NT5DC4: variants seen among roughly 807,000 people sequenced by gnomAD.
NT5DC4 encodes 5'-nucleotidase domain containing 4, also known as 5'-nucleotidase domain-containing protein 4.
Under a neutral mutation model 26.6 loss-of-function variants are expected in NT5DC4, and 44 were observed. The observed-to-expected ratio is 1.65, with a 90% confidence interval of 1.30 to 2.13. The LOEUF (loss-of-function observed/expected upper bound fraction) is 2.13. Ranked by LOEUF, NT5DC4 falls within the 30% of genes most tolerant of loss-of-function variation. NT5DC4 has a pLI of 0.00. For synonymous variants in NT5DC4, 157 were observed against 86.7 expected (o/e 1.81, Z -4.51); for missense variants, 399 against 228.1 (o/e 1.75, Z -4.83).
At chr2:112,732,869 C>T (rs906630535) in intron 16 of NT5DC4, among the ~76,000 whole-genome samples, 10 of 152,142 alleles carry the variant, frequency 6.6e-5, no homozygotes, top group African/African-American at 2.4e-5. Context: ...TTTAGTCCCT[C>T]GCTCATAGGC....
Position 112,723,257 on chromosome 2 carries a change from T to C in NT5DC4, c.621+83T>C, listed in dbSNP as rs1677181258. On this transcript the variant is annotated intron_variant, in intron 7 of 16. Coordinates refer to ENST00000688554, the MANE Select transcript of NT5DC4 (RefSeq NM_001393655.1). The stretch of plus-strand genomic sequence containing the variant: ...GCAGCCTTCAGGCCTCCAGTCCCCA[T>C]AGCGTTTCCATCCTCTTCCTACTGA... 15 of 714,690 alleles carry C rather than the reference T, an allele frequency of 2.1e-5. No individual in the cohort carries two copies. In the East Asian group the frequency reaches 3.5e-4, roughly 17 times the overall value. 44.3% of individuals were successfully genotyped at this position (714,690 alleles called of 1,614,324 possible).
At chr2:112,739,193 T>G, downstream of NT5DC4, 5 of 660,460 alleles carry the variant, frequency 7.6e-6, no homozygotes, top group Non-Finnish European at 1.3e-5. Context: ...AGCTTTCATC[T>G]TCAGATGGCT....
chr2:112,724,214 C>T (rs1677369214), intron 10 of NT5DC4, 88 bp downstream of exon 10: 3 of 711,170 alleles, frequency 4.2e-6, no homozygotes, highest in Non-Finnish European at 7.8e-6. Context: ...GAGGGCCTCT[C>T]CCACGTCCAG....
chr2:112,739,672 A>C (rs1381711594), downstream of NT5DC4, among the ~76,000 whole-genome samples: 1 of 152,184 alleles, frequency 6.6e-6, no homozygotes, highest in Non-Finnish European at 1.5e-5. Flanking sequence ...TTTTCTTTTT[A>C]AAGACAGGGT....
chr2:112,726,055 G>C (rs557793190), intron 13 of NT5DC4, among the ~76,000 whole-genome samples, 183 bp from the exon 14 acceptor site: 1 of 152,252 alleles, frequency 6.6e-6, no homozygotes, highest in Non-Finnish European at 1.5e-5. Context: ...TGGGGCCTAC[G>C]GGGCCTATGC....
chr2:112,731,319 G>T (rs1165727023), intron 16 of NT5DC4: 1 of 152,024 alleles, frequency 6.6e-6, no homozygotes, highest in Non-Finnish European at 1.5e-5. Context: ...ATCCTCAATG[G>T]TCTTTGAGAC....
At chr2:112,720,517 T>A (rs56085389), upstream of NT5DC4, among the ~76,000 whole-genome samples, 5,795 of 152,184 alleles carry the variant, frequency 0.038, 362 homozygotes, top group African/African-American at 0.13. Context: ...ATGGCCCCAG[T>A]GGTTCTGCTT....
At chr2:112,739,816 G>T (rs527579579), downstream of NT5DC4, among the ~76,000 whole-genome samples, 2 of 152,094 alleles carry the variant, frequency 1.3e-5, no homozygotes, top group African/African-American at 4.8e-5. Context: ...CAGCATGCCT[G>T]GCTAATTTTT....
chr2:112,737,520 T>G (rs981511201), intron 16 of NT5DC4: 1 of 152,220 alleles, frequency 6.6e-6, no homozygotes, highest in African/African-American at 2.4e-5. Context: ...CCATTTCTTA[T>G]GTCTTCTTTG....
chr2:112,719,938 CTTTCTTTCTT>C (rs1342422006), upstream of NT5DC4, among the ~76,000 whole-genome samples: 1 of 83,600 alleles, frequency 1.2e-5, no homozygotes, highest in Admixed American at 1.4e-4. Context: ...TTCTTTCTTT[CTTTCTTTCTT>C]TCTTTCTTTC....
chr2:112,740,693 T>A, downstream of NT5DC4: 1 of 738,134 alleles, frequency 1.4e-6, no homozygotes, highest in Non-Finnish European at 2.3e-6. Context: ...ATACCCCTCC[T>A]GACTCTGGCA....
rs1474778133 is a variant in NT5DC4, at chr2:112,722,173, C to G, written c.267-10C>G. On this transcript the variant is annotated splice_polypyrimidine_tract_variant and intron_variant, in intron 3 of 16. Coordinates refer to ENST00000688554, the MANE Select transcript of NT5DC4 (RefSeq NM_001393655.1). ...CCCACCCACAGTGCCCCCCGACCCCCCGTCTGCAGGCGGCTGGTGTTCGAT... is the reference window on the plus strand; with the variant it reads ...CCCACCCACAGTGCCCCCCGACCCCGCGTCTGCAGGCGGCTGGTGTTCGAT... 18 of 717,050 alleles carry G rather than the reference C, an allele frequency of 2.5e-5. No homozygotes were observed. Among genetic ancestry groups the G allele is most frequent in the Admixed American group, 1.6e-4 (8 of 50,016 alleles). 44.4% of individuals were successfully genotyped at this position (717,050 alleles called of 1,614,324 possible).
intron 14 of NT5DC4, 103 bp from the exon 15 acceptor site, chr2:112,726,575 G>A (rs945255446): frequency 2.4e-5 from 17 of 707,508 alleles, no homozygotes; most frequent in East Asian, 8.1e-5. Context: ...CTGGATGCCC[G>A]CACGGTGTCC....
At chr2:112,741,940 GTTTTTTTT>G (rs57634251), downstream of NT5DC4, among the ~76,000 whole-genome samples, 16 of 71,898 alleles carry the variant, frequency 2.2e-4, no homozygotes, top group South Asian at 5.7e-4. Flanking sequence ...TTTCTTTTCT[GTTTTTTTT>G]TTTTTTTTTT....
intron 1 of NT5DC4, chr2:112,721,551 G>T (rs1189947769): frequency 2.8e-6 from 2 of 717,820 alleles, no homozygotes; most frequent in Admixed American, 2.0e-5. Flanking sequence ...CTGCATGGTG[G>T]GACAGCAAGC....
intron 10 of NT5DC4, chr2:112,724,472 A>G (rs1410632802): frequency 3.5e-6 from 2 of 569,790 alleles, no homozygotes; most frequent in Admixed American, 3.0e-5. Context: ...CTGGGCAGGC[A>G]GCAGGGCCCT....
intron 16 of NT5DC4, among the ~76,000 whole-genome samples, chr2:112,734,649 C>A (rs1307879643): frequency 6.6e-6 from 1 of 152,096 alleles, no homozygotes; most frequent in African/African-American, 2.4e-5. Flanking sequence ...TTCTTCTTAA[C>A]CATGTAGATT....
chr2:112,722,862 A>C, intron 6 of NT5DC4, 91 bp downstream of exon 6: 1 of 261,424 alleles, frequency 3.8e-6, no homozygotes. Context: ...AGGGCTCCCC[A>C]AGAGGCTGGA....
Position 112,723,171 on chromosome 2 carries a change from G to T in NT5DC4, c.618G>T (p.Gln206His), listed in dbSNP as rs552038395. 1.3e-4 allele frequency: 92 copies of T among 717,314 alleles called. No individual in the cohort carries two copies. In the African/African-American group the frequency reaches 1.4e-3, roughly 11 times the overall value. 44.4% of individuals were successfully genotyped at this position (717,314 alleles called of 1,614,324 possible). Reference sequence around the variant, plus strand: ...CTGATGCCATGAATAACATCCACCAGTCGGTGAGTGAGTGGTCCAGAACCC... The same window carrying T: ...CTGATGCCATGAATAACATCCACCATTCGGTGAGTGAGTGGTCCAGAACCC... ...DVTDAMNNIH[Q>H]SGCLKKTLED... The change falls in exon 7 of 17, where the codon CAG (glutamine) becomes CAT (histidine). Residue 206 changes from glutamine (Q) to histidine (H), a missense_variant. Physicochemically the swap from Gln to His is conservative, Grantham distance 24. Coordinates refer to ENST00000688554, the MANE Select transcript of NT5DC4 (RefSeq NM_001393655.1).
Sources: gnomAD v4.1 joint callset for allele counts (sites outside exome capture counted in the v4.1 genomes callset) on GRCh38, gnomAD v4.1.1 for gene constraint, MANE v1.5 for transcripts, NCBI Gene and HGNC (gene_info 2026-07-23, HGNC 2026-07-21) for gene names.